KIRREL3: variants seen among roughly 807,000 people sequenced by gnomAD.
The protein encoded by KIRREL3 is kin of IRRE-like protein 3.
KIRREL3 carries 36 observed loss-of-function variants against 89.7 expected under a neutral mutation model. That is an observed-to-expected ratio of 0.40 (90% CI 0.31 to 0.53). The LOEUF (loss-of-function observed/expected upper bound fraction) is 0.53. Among genes scored for constraint, KIRREL3 ranks in the 20% least tolerant of loss-of-function variants. The pLI is 0.49. For missense variants in KIRREL3, 864 were observed against 1,056.6 expected, an observed-to-expected ratio of 0.82 and a Z score of 2.53; for synonymous variants, 445 against 441.4, an observed-to-expected ratio of 1.01 and a Z score of -0.10.
rs558695032 is a variant in KIRREL3, at chr11:126,513,867, C to G, written c.433+7448G>C. 6.6e-6 allele frequency among the ~76,000 whole-genome samples: 1 copy of G among 152,164 alleles called. No homozygotes were observed. Among genetic ancestry groups the G allele is most frequent in the Non-Finnish European group, 1.5e-5 (1 of 68,040 alleles). On this transcript the variant is annotated intron_variant, in intron 4 of 16. Transcript: ENST00000525144. This position sits in a 1 kb window ranked among gnomAD's most constrained non-coding sequence, Gnocchi z 5.9. ...TCAGCGTGGCATTATGGCATTGAAC[C>G]CACAGGGTGGACCTCAGGGAGCTAT...
In KIRREL3 at chr11:126,796,721, G is replaced by A. The variant is rs1466702067; in HGVS notation, c.55+203734C>T. ...AACAAGGTCTTGCTCTGTTGCCCAG[G>A]CTGGAGTGCAGTGGCATGATCTTGG... On this transcript the variant is annotated intron_variant, in intron 1 of 16. Coordinates refer to ENST00000525144, the MANE Select transcript of KIRREL3 (RefSeq NM_032531.4). This position sits in a 1 kb window ranked among gnomAD's most constrained non-coding sequence, Gnocchi z 5.1. Among the ~76,000 whole-genome samples, 1 of 151,686 alleles carries A rather than the reference G, an allele frequency of 6.6e-6. No homozygotes were observed. The highest frequency in any genetic ancestry group is 6.6e-5 in the Admixed American group (1 of 15,224).
Position 126,995,570 on chromosome 11 carries a change from A to G in KIRREL3, c.55+4885T>C. 1 of 316,616 alleles carries G rather than the reference A, an allele frequency of 3.2e-6. No homozygotes were observed. Among genetic ancestry groups the G allele is most frequent in the South Asian group, 2.7e-5 (1 of 37,524 alleles). 19.6% of individuals were successfully genotyped at this position (316,616 alleles called of 1,614,324 possible). On this transcript the variant is annotated intron_variant, in intron 1 of 16. Coordinates refer to ENST00000525144, the MANE Select transcript of KIRREL3 (RefSeq NM_032531.4). This position sits in a 1 kb window ranked among gnomAD's most constrained non-coding sequence, Gnocchi z 6.5. ...CCCCCATCTATATCAAGACCATAAAACCAGTGCTTTTGGCCCTCCTCCTCA... is the reference window on the plus strand; with the variant it reads ...CCCCCATCTATATCAAGACCATAAAGCCAGTGCTTTTGGCCCTCCTCCTCA...
chr11:126,662,642 C>A (rs935324812), intron 1 of KIRREL3, among the ~76,000 whole-genome samples: 2 of 152,202 alleles, frequency 1.3e-5, no homozygotes, highest in Admixed American at 1.3e-4. Flanking sequence ...AGCCTGATCA[C>A]CTCTTGGAGG....
rs1184470639 is a variant in KIRREL3, at chr11:126,991,725, T to C, written c.55+8730A>G. On this transcript the variant is annotated intron_variant, in intron 1 of 16. Transcript: ENST00000525144. The surrounding 1 kb of genome is among the most constrained non-coding windows in gnomAD (Gnocchi z 5.8). ...CTGGGATTCGGATGCATGATTTTCA[T>C]AGGAAACTCCCTAAAATCCTTTTCC... Among the ~76,000 whole-genome samples, 2 of 152,222 alleles carry C rather than the reference T, an allele frequency of 1.3e-5. No individual in the cohort carries two copies. Among genetic ancestry groups the C allele is most frequent in the African/African-American group, 2.4e-5 (1 of 41,464 alleles).
chr11:126,706,153 A>G (rs1947522207), intron 1 of KIRREL3, among the ~76,000 whole-genome samples: 1 of 152,214 alleles, frequency 6.6e-6, no homozygotes, highest in Admixed American at 6.5e-5. Flanking sequence ...GAACATTGCC[A>G]AGCCACAGAA....
In KIRREL3 at chr11:126,526,413, T is replaced by G; in HGVS notation, c.283+125A>C. On this transcript the variant is annotated intron_variant, in intron 3 of 16. Transcript: ENST00000525144. The surrounding 1 kb of genome is among the most constrained non-coding windows in gnomAD (Gnocchi z 5.7). ...GCCTAGCCTGACTCTGCCTGAGGAG[T>G]TGCAGTGAAAGCTAGAGATTCGATA... 1.1e-6 allele frequency: 1 copy of G among 923,146 alleles called. No homozygotes were observed. Among genetic ancestry groups the G allele is most frequent in the Non-Finnish European group, 1.6e-6 (1 of 615,828 alleles). The allele number at this position is 923,146 out of a possible 1,614,324, so 57.2% of individuals were successfully genotyped here.
chr11:126,435,035 G>A (rs1759780903), intron 13 of KIRREL3, among the ~76,000 whole-genome samples: 1 of 152,138 alleles, frequency 6.6e-6, no homozygotes, highest in Admixed American at 6.5e-5. Context: ...AGAGAGGAAG[G>A]AGTTGTGGGT....
In KIRREL3 at chr11:126,486,993, A is replaced by G. The variant is rs1239168202; in HGVS notation, c.434-13527T>C. Among the ~76,000 whole-genome samples, 1 of 152,208 alleles carries G rather than the reference A, an allele frequency of 6.6e-6. No homozygotes were observed. Among genetic ancestry groups the G allele is most frequent in the Non-Finnish European group, 1.5e-5 (1 of 68,042 alleles). On this transcript the variant is annotated intron_variant, in intron 4 of 16. Transcript: ENST00000525144. This position sits in a 1 kb window ranked among gnomAD's most constrained non-coding sequence, Gnocchi z 6.2. ...CCTCCTCAACGAGCCTCATAGTTTC[A>G]GTAAGGACGAAAATGAGGCCAGGTA... is the stretch of plus-strand genomic sequence containing the variant.
chr11:126,478,314 G>A (rs941505125), intron 4 of KIRREL3, among the ~76,000 whole-genome samples: 6 of 152,180 alleles, frequency 3.9e-5, no homozygotes, highest in African/African-American at 7.2e-5. Context: ...ATCTGTCACC[G>A]TTCTAGAAAG....
At position 126,635,940 on chromosome 11, in the gene KIRREL3, GGCAGGGCCA is replaced by G. The variant is rs1944249631; in HGVS notation, c.56-73037_56-73029del. 6.6e-6 allele frequency among the ~76,000 whole-genome samples: 1 copy of G among 152,120 alleles called. No individual in the cohort carries two copies. Among genetic ancestry groups the G allele is most frequent in the Non-Finnish European group, 1.5e-5 (1 of 68,034 alleles). ...ACAACTTGGTTATTTTTGGGTCATGGGCAGGGCCAGCAGGCCTACAGGTAGCGGGAGGGA... is the reference window on the plus strand; with the variant it reads ...ACAACTTGGTTATTTTTGGGTCATGGGCAGGCCTACAGGTAGCGGGAGGGA... On this transcript the variant is annotated intron_variant, in intron 1 of 16. Coordinates refer to ENST00000525144, the MANE Select transcript of KIRREL3 (RefSeq NM_032531.4). The surrounding 1 kb of genome is among the most constrained non-coding windows in gnomAD (Gnocchi z 4.0).
Position 126,688,964 on chromosome 11 carries a change from C to T in KIRREL3, c.56-126052G>A, listed in dbSNP as rs112028390. ...GGTAGGACAGGAAGATTTTTTTTTTCCGCTCTCAATCTTGTCTTTGTTTGG... is the reference window on the plus strand; with the variant it reads ...GGTAGGACAGGAAGATTTTTTTTTTTCGCTCTCAATCTTGTCTTTGTTTGG... On this transcript the variant is annotated intron_variant, in intron 1 of 16. Transcript: ENST00000525144. Among the ~76,000 whole-genome samples the T allele has an allele frequency of 3.4e-5, 5 of 148,106 alleles. 1 individual carries two copies. Among genetic ancestry groups the T allele is most frequent in the African/African-American group, 1.2e-4 (5 of 40,258 alleles).
rs1201447726 is a variant in KIRREL3 at position 126,656,545 on chromosome 11, T to C, written c.56-93633A>G. Among the ~76,000 whole-genome samples the C allele has an allele frequency of 6.6e-6, 1 of 152,208 alleles. No homozygotes were observed. The highest frequency in any genetic ancestry group is 2.4e-5 in the African/African-American group (1 of 41,466). On this transcript the variant is annotated intron_variant, in intron 1 of 16. Coordinates refer to ENST00000525144, the MANE Select transcript of KIRREL3 (RefSeq NM_032531.4). The surrounding 1 kb of genome is among the most constrained non-coding windows in gnomAD (Gnocchi z 4.0). ...GGGATAAGGCAGCAGGTGACAGTGG[T>C]TGCGTGCTCCTGGGCACCGCCTGCC... is the stretch of plus-strand genomic sequence containing the variant.
At chr11:126,863,495 G>GTGTT (rs1944798093) in intron 1 of KIRREL3, among the ~76,000 whole-genome samples, 1 of 6,286 alleles carries the variant, frequency 1.6e-4, no homozygotes, top group Non-Finnish European at 3.0e-4. Flanking sequence ...GAGTGCGTGT[G>GTGTT]TGAGTGTGAG....
chr11:126,582,472 C>T (rs1446860219), intron 1 of KIRREL3, among the ~76,000 whole-genome samples: 1 of 152,216 alleles, frequency 6.6e-6, no homozygotes, highest in African/African-American at 2.4e-5. Flanking sequence ...AAATCCTCTG[C>T]TATAGCGGAA....
In KIRREL3 at chr11:126,924,561, G is replaced by A. The variant is rs1012065093; in HGVS notation, c.55+75894C>T. 1.4e-4 allele frequency among the ~76,000 whole-genome samples: 22 copies of A among 152,146 alleles called. 1 individual carries two copies. Among genetic ancestry groups the A allele is most frequent in the Non-Finnish European group, 7.4e-5 (5 of 68,022 alleles). ...TTCACACACCCGACCCACAGACTGC[G>A]CTTCAGCTGCTGCTGACTCCCTCCC... On this transcript the variant is annotated intron_variant, in intron 1 of 16. Coordinates refer to ENST00000525144, the MANE Select transcript of KIRREL3 (RefSeq NM_032531.4). This position sits in a 1 kb window ranked among gnomAD's most constrained non-coding sequence, Gnocchi z 4.7.
chr11:126,804,218 T>C (rs1951132109), intron 1 of KIRREL3, among the ~76,000 whole-genome samples: 1 of 152,202 alleles, frequency 6.6e-6, no homozygotes, highest in Non-Finnish European at 1.5e-5. Flanking sequence ...GAGGTCTTAA[T>C]CTGTGAAGGA....
chr11:126,980,438 G>C (rs1201801529), intron 1 of KIRREL3, among the ~76,000 whole-genome samples: 1 of 152,170 alleles, frequency 6.6e-6, no homozygotes, highest in Non-Finnish European at 1.5e-5. Context: ...ACAGGCAAAG[G>C]GTAGCCAGTG....
At chr11:126,450,579 G>GT (rs1956029074) in intron 7 of KIRREL3, among the ~76,000 whole-genome samples, 1 of 150,828 alleles carries the variant, frequency 6.6e-6, no homozygotes, top group Non-Finnish European at 1.5e-5. Flanking sequence ...GTGCATGTGT[G>GT]CATGTGCATG....
chr11:126,465,313 A>G (rs73630445), intron 5 of KIRREL3, among the ~76,000 whole-genome samples: 13,322 of 152,206 alleles, frequency 0.088, 2,000 homozygotes, highest in African/African-American at 0.3. Flanking sequence ...TTGATTAGCC[A>G]AAGAGAAACC....
Sources: gnomAD v4.1 joint callset for allele counts (sites outside exome capture counted in the v4.1 genomes callset) on GRCh38, gnomAD v4.1.1 for gene constraint, Gnocchi (gnomAD v3.1) non-coding constraint, MANE v1.5 for transcripts, NCBI Gene and HGNC (gene_info 2026-07-23, HGNC 2026-07-21) for gene names.